The following ZFHX3 variants were observed in gnomAD, a reference collection of about 807,000 sequenced individuals.
ZFHX3 encodes zinc finger homeobox protein 3.
A neutral mutation model predicts 279.1 loss-of-function variants in ZFHX3; 42 were observed. The observed-to-expected ratio is 0.15, with a 90% CI of 0.12 to 0.19. The LOEUF is 0.19. Ranked by LOEUF, ZFHX3 falls within the 10% of genes least tolerant of loss-of-function variation. ZFHX3 has a pLI of 1.00. For synonymous variants in ZFHX3, 2,293 were observed against 1,957.8 expected, an observed-to-expected ratio of 1.17 and a Z score of -4.52; for missense variants, 4,981 against 4,754.0, an observed-to-expected ratio of 1.05 and a Z score of -1.40.
chr16:73,848,132 T>G (rs531562890), intron 1 of ZFHX3, among the ~76,000 whole-genome samples: 77 of 152,064 alleles, frequency 5.1e-4, no homozygotes, highest in African/African-American at 1.8e-3. Flanking sequence ...CAGTTTACAC[T>G]CAATCTAGTC....
At chr16:73,392,740 A>C (rs1373264302) in intron 3 of ZFHX3, among the ~76,000 whole-genome samples, 1 of 152,248 alleles carries the variant, frequency 6.6e-6, no homozygotes, top group Non-Finnish European at 1.5e-5. Flanking sequence ...GATTAAGACC[A>C]GATTTAGCAG....
Position 73,815,412 on chromosome 16 carries a change from AGAAGT to A in ZFHX3, c.-1608+76234_-1608+76238del, listed in dbSNP as rs566751972. On this transcript the variant is annotated intron_variant, in intron 1 of 17. Coordinates refer to the ZFHX3 transcript ENST00000641206. ...AGGATATGGCCCCTAGGAGACCATG[AGAAGT>A]GACCTTCCAACATTCAAGCTACAGG... 2.3e-3 allele frequency among the ~76,000 whole-genome samples: 352 copies of A among 152,296 alleles called. 4 individuals are homozygous for A. In the Middle Eastern group the frequency reaches 0.061, roughly 26 times the overall value.
intron 3 of ZFHX3, among the ~76,000 whole-genome samples, chr16:72,916,012 T>A (rs1010960971): frequency 1.3e-5 from 2 of 152,212 alleles, no homozygotes; most frequent in African/African-American, 4.8e-5. Context: ...GAGAGGCATA[T>A]TTTCTGATTT....
At chr16:73,002,178 C>G (rs546254103) in intron 1 of ZFHX3, among the ~76,000 whole-genome samples, 2 of 152,194 alleles carry the variant, frequency 1.3e-5, no homozygotes, top group African/African-American at 4.8e-5. Context: ...CTCAAACCCC[C>G]GCCAGGATAG....
chr16:73,004,547 T>C (rs1015410790), intron 1 of ZFHX3, among the ~76,000 whole-genome samples: 1 of 151,776 alleles, frequency 6.6e-6, no homozygotes, highest in Admixed American at 6.6e-5. Context: ...CTCCTGACCT[T>C]GTGATGTGCC....
intron 2 of ZFHX3, among the ~76,000 whole-genome samples, chr16:73,462,158 C>CA (rs556371571): frequency 6.4e-4 from 97 of 152,158 alleles, no homozygotes; most frequent in African/African-American, 2.1e-3. Flanking sequence ...TCCATGTGCT[C>CA]ATTGTTAGTA....
At chr16:73,157,607 T>C (rs1240753181) in intron 5 of ZFHX3, among the ~76,000 whole-genome samples, 1 of 152,158 alleles carries the variant, frequency 6.6e-6, no homozygotes, top group Non-Finnish European at 1.5e-5. Flanking sequence ...TTTGGCTTAA[T>C]TGAAACTGAG....
At chr16:72,889,074 G>A (rs1298651678) in intron 4 of ZFHX3, among the ~76,000 whole-genome samples, 1 of 151,826 alleles carries the variant, frequency 6.6e-6, no homozygotes, top group South Asian at 2.1e-4. Context: ...GAGGGAGGGA[G>A]GTGGGGAAAA....
At chr16:73,571,670 C>A (rs2051737761) in intron 2 of ZFHX3, among the ~76,000 whole-genome samples, 2 of 152,014 alleles carry the variant, frequency 1.3e-5, no homozygotes, top group African/African-American at 4.8e-5. Flanking sequence ...ATAATAATTA[C>A]AATAATTACA....
At chr16:73,576,434 T>C (rs2051800060) in intron 2 of ZFHX3, among the ~76,000 whole-genome samples, 1 of 152,180 alleles carries the variant, frequency 6.6e-6, no homozygotes, top group South Asian at 2.1e-4. Flanking sequence ...ATCTGAGTGA[T>C]GGTCAAGAAT....
chr16:73,059,479 T>A (rs1400698069), exon 1 of ZFHX3: 1 of 150,102 alleles, frequency 6.7e-6, no homozygotes, highest in Non-Finnish European at 1.5e-5. Flanking sequence ...TTTTTTTTCC[T>A]TTCTTCTTCC....
At chr16:72,841,472 A>G (rs904440837) in intron 4 of ZFHX3, among the ~76,000 whole-genome samples, 1 of 152,232 alleles carries the variant, frequency 6.6e-6, no homozygotes, top group African/African-American at 2.4e-5. Flanking sequence ...AAGGGGAGAA[A>G]GAATATTGGA....
At chr16:73,010,113 GA>G (rs1963862821) in intron 1 of ZFHX3, among the ~76,000 whole-genome samples, 1 of 151,848 alleles carries the variant, frequency 6.6e-6, no homozygotes, top group Admixed American at 6.6e-5. Context: ...CGCCCCATGG[GA>G]AGGTGGCACT....
intron 2 of ZFHX3, among the ~76,000 whole-genome samples, chr16:73,583,415 G>A (rs1461392645): frequency 6.6e-6 from 1 of 152,060 alleles, no homozygotes; most frequent in Non-Finnish European, 1.5e-5. Context: ...GTAAGAATAG[G>A]GCATGCATTT....
chr16:72,825,233 C>T (rs1478306373), intron 5 of ZFHX3, among the ~76,000 whole-genome samples: 1 of 152,208 alleles, frequency 6.6e-6, no homozygotes, highest in African/African-American at 2.4e-5. Flanking sequence ...GAGCACAACG[C>T]CAGCTCCTTA....
chr16:73,788,954 C>G (rs2142312502), intron 1 of ZFHX3, among the ~76,000 whole-genome samples: 1 of 151,284 alleles, frequency 6.6e-6, no homozygotes, highest in Middle Eastern at 3.5e-3. Context: ...CTGATTTTGG[C>G]ATGTCTATAA....
Position 72,825,316 on chromosome 16 carries a change from C to A in ZFHX3, c.3529+4463G>T, listed in dbSNP as rs570722287. 8.5e-5 allele frequency among the ~76,000 whole-genome samples: 13 copies of A among 152,302 alleles called. No individual in the cohort carries two copies. The South Asian group carries it at 2.7e-3, about 32-fold the overall frequency. Reference sequence around the variant, plus strand: ...GGTGGTTATCGTGTTACTATGATCACTGTACAATGTCAGGAGACTGCTACT... The same window carrying A: ...GGTGGTTATCGTGTTACTATGATCAATGTACAATGTCAGGAGACTGCTACT... On this transcript the variant is annotated intron_variant, in intron 5 of 9. Coordinates refer to ENST00000268489, the MANE Select transcript of ZFHX3 (RefSeq NM_006885.4).
chr16:72,870,787 CT>C (rs2038142297), intron 4 of ZFHX3, among the ~76,000 whole-genome samples: 1 of 150,146 alleles, frequency 6.7e-6, no homozygotes. Flanking sequence ...CTAAGATATT[CT>C]TTTCATACAA....
intron 1 of ZFHX3, among the ~76,000 whole-genome samples, chr16:73,808,314 G>A (rs1025549915): frequency 6.6e-6 from 1 of 152,262 alleles, no homozygotes; most frequent in East Asian, 1.9e-4. Context: ...GGTAGAGAAA[G>A]TGATAGTAGT....
Sources: gnomAD v4.1 joint callset for allele counts (sites outside exome capture counted in the v4.1 genomes callset) on GRCh38, gnomAD v4.1.1 for gene constraint, MANE v1.5 for transcripts, NCBI Gene and HGNC (gene_info 2026-07-23, HGNC 2026-07-21) for gene names.